LRP1B: variants seen among roughly 807,000 people sequenced by gnomAD.
The protein encoded by LRP1B is low-density lipoprotein receptor-related protein 1B.
Under a neutral mutation model 556.6 loss-of-function variants are expected in LRP1B, and 217 were observed. The ratio of observed to expected loss-of-function variants is 0.39; its 90% CI spans 0.35 to 0.44. The LOEUF (loss-of-function observed/expected upper bound fraction) is 0.44. Among genes scored for constraint, LRP1B ranks in the 20% least tolerant of loss-of-function variants. The pLI, the probability that LRP1B is intolerant of heterozygous loss-of-function variation, is 1.00. For synonymous variants in LRP1B, 2,047 were observed against 1,865.8 expected (o/e 1.10, Z -2.50); for missense variants, 5,053 against 5,620.8 (o/e 0.90, Z 3.23).
intron 7 of LRP1B, among the ~76,000 whole-genome samples, chr2:141,144,562 A>T (rs930048751): frequency 2.0e-5 from 3 of 152,160 alleles, no homozygotes; most frequent in African/African-American, 7.2e-5. Flanking sequence ...AAAATCTACT[A>T]CTTCTCATAT....
chr2:141,064,430 G>A (rs1014650247), intron 7 of LRP1B, among the ~76,000 whole-genome samples: 2 of 151,778 alleles, frequency 1.3e-5, no homozygotes, highest in Middle Eastern at 3.2e-3. Context: ...CAAGACTGAT[G>A]CAACTGATTC....
intron 31 of LRP1B, among the ~76,000 whole-genome samples, chr2:140,827,325 G>T (rs770830805): frequency 3.3e-5 from 5 of 152,032 alleles, no homozygotes; most frequent in Non-Finnish European, 7.4e-5. Flanking sequence ...CTCAGATCAA[G>T]AATTCAAAAT....
chr2:140,883,959 C>A lies in LRP1B; in HGVS notation c.4027G>T (p.Asp1343Tyr). The A allele has an allele frequency of 6.2e-7, 1 of 1,613,416 alleles. No homozygotes were observed. Residue 1343 changes from aspartate to tyrosine, a missense_variant, in exon 25 of 91, where the codon GAC becomes TAC. Asp to Tyr is a radical substitution (Grantham distance 160). Around this residue, in one of 5 missense-constraint regions of LRP1B, gnomAD observed 3,619 missense variants for 3,931.9 expected, o/e 0.92. Coordinates refer to ENST00000389484, the MANE Select transcript of LRP1B (RefSeq NM_018557.3). ...GLATPEGLTVDWIAGNIYWID... is the reference protein window; with the variant it reads ...GLATPEGLTVYWIAGNIYWID... The stretch of plus-strand genomic sequence containing the variant: ...CAGTATATGTTTCCTGCTATCCAGT[C>A]GACTGTCAGGCCTTCTGGAGTAGCC...
At chr2:141,013,438 G>A in intron 14 of LRP1B, 118 bp downstream of exon 14, 2 of 787,454 alleles carry the variant, frequency 2.5e-6, no homozygotes, top group Non-Finnish European at 3.8e-6. Context: ...ACTTTGGAGG[G>A]AATTTGACAT....
chr2:142,006,849 G>A (rs546655845), intron 1 of LRP1B, among the ~76,000 whole-genome samples: 1 of 152,016 alleles, frequency 6.6e-6, no homozygotes, highest in South Asian at 2.1e-4. Context: ...TGGAAAGATG[G>A]GATTTTAGAC....
chr2:140,665,875 G>A (rs531406648), intron 41 of LRP1B, among the ~76,000 whole-genome samples: 2 of 151,642 alleles, frequency 1.3e-5, no homozygotes, highest in South Asian at 2.1e-4. Flanking sequence ...CATCCTTACT[G>A]CTAATCTGAA....
rs1052635140 is a variant in LRP1B, at chr2:141,430,991, G to A, written c.343+49405C>T. Among the ~76,000 whole-genome samples the A allele has an allele frequency of 4.0e-5, 6 of 151,796 alleles. No individual in the cohort carries two copies. The South Asian group carries it at 1.0e-3, about 26-fold the overall frequency. ...CAAAATAAAAATTAAAAGAAAATTA[G>A]CCAGGCATGGTGCCGTGTGCCTATA... is the stretch of plus-strand genomic sequence containing the variant. On this transcript the variant is annotated intron_variant, in intron 3 of 90. Transcript: ENST00000389484.
intron 89 of LRP1B, 29 bp downstream of exon 89, chr2:140,238,123 T>C: frequency 6.4e-7 from 1 of 1,558,636 alleles, no homozygotes; most frequent in Non-Finnish European, 8.7e-7. Flanking sequence ...ATGTTAGTGC[T>C]CACTGCCCAT....
chr2:141,830,388 A>G (rs1697073477), intron 1 of LRP1B, among the ~76,000 whole-genome samples: 1 of 151,890 alleles, frequency 6.6e-6, no homozygotes, highest in South Asian at 2.1e-4. Context: ...GAGAAACCTA[A>G]AAGTAAATTG....
In LRP1B at chr2:142,073,259, T is replaced by G. The variant is rs1459386513; in HGVS notation, c.82+57389A>C. Among the ~76,000 whole-genome samples, 4 of 152,156 alleles carry G rather than the reference T, an allele frequency of 2.6e-5. No homozygotes were observed. In the East Asian group the frequency reaches 5.8e-4, roughly 22 times the overall value. ...TAATCTCCTCTTTACAATGATTATGTAAAATGTACATGTTCTGTTTGAATA... is the reference window on the plus strand; with the variant it reads ...TAATCTCCTCTTTACAATGATTATGGAAAATGTACATGTTCTGTTTGAATA... On this transcript the variant is annotated intron_variant, in intron 1 of 90. Coordinates refer to ENST00000389484, the MANE Select transcript of LRP1B (RefSeq NM_018557.3).
At chr2:141,960,312 G>T (rs1266236088) in intron 1 of LRP1B, among the ~76,000 whole-genome samples, 1 of 151,732 alleles carries the variant, frequency 6.6e-6, no homozygotes, top group South Asian at 2.1e-4. Flanking sequence ...GATGCCCCCA[G>T]CCACCACACC....
intron 35 of LRP1B, among the ~76,000 whole-genome samples, chr2:140,756,305 G>C (rs1688739278): frequency 6.6e-6 from 1 of 151,914 alleles, no homozygotes; most frequent in Non-Finnish European, 1.5e-5. Flanking sequence ...ATCTCTGCTA[G>C]TTTATTTGCC....
At chr2:141,768,045 CA>C (rs1173112295) in intron 2 of LRP1B, among the ~76,000 whole-genome samples, 7 of 152,054 alleles carry the variant, frequency 4.6e-5, no homozygotes, top group African/African-American at 1.7e-4. Flanking sequence ...ATGCTTATCC[CA>C]GTATATTATG....
At chr2:140,425,752 C>T (rs979480941) in intron 66 of LRP1B, among the ~76,000 whole-genome samples, 2 of 152,136 alleles carry the variant, frequency 1.3e-5, no homozygotes, top group African/African-American at 2.4e-5. Flanking sequence ...AACTCACACT[C>T]CCTGAGCTTT....
intron 41 of LRP1B, among the ~76,000 whole-genome samples, chr2:140,606,346 C>T (rs1574135604): frequency 6.6e-6 from 1 of 151,840 alleles, no homozygotes; most frequent in Non-Finnish European, 1.5e-5. Flanking sequence ...ACCCAAACTA[C>T]AGCACATCAT....
intron 2 of LRP1B, among the ~76,000 whole-genome samples, chr2:141,760,887 T>C (rs1694520432): frequency 1.3e-5 from 2 of 152,208 alleles, no homozygotes; most frequent in African/African-American, 4.8e-5. Flanking sequence ...TCCCAACTTT[T>C]AGAAAATTAT....
intron 25 of LRP1B, among the ~76,000 whole-genome samples, chr2:140,882,016 C>T (rs1198395304): frequency 1.3e-5 from 2 of 152,120 alleles, no homozygotes; most frequent in Admixed American, 6.6e-5. Flanking sequence ...CATTTTTAAA[C>T]TTTCATACAC....
At chr2:140,941,142 G>A (rs898495748) in intron 20 of LRP1B, among the ~76,000 whole-genome samples, 7 of 151,918 alleles carry the variant, frequency 4.6e-5, no homozygotes, top group African/African-American at 1.7e-4. Context: ...AAAAAAAGCG[G>A]GTATAAATTA....
At chr2:140,683,656 A>G in intron 41 of LRP1B, 1 of 698,262 alleles carries the variant, frequency 1.4e-6, no homozygotes, top group Non-Finnish European at 2.7e-6. Flanking sequence ...AGTCCTCCGC[A>G]TTTACAGCAA....
Sources: allele counts gnomAD v4.1 joint callset (sites outside exome capture counted in the v4.1 genomes callset), GRCh38; gene constraint gnomAD v4.1.1; regional missense constraint gnomAD v4.1.1; transcripts MANE v1.5; gene names NCBI Gene and HGNC (gene_info 2026-07-23, HGNC 2026-07-21).